The following SPON1 variants were observed in gnomAD, a reference collection of about 807,000 sequenced individuals.
SPON1 encodes the protein spondin 1.
SPON1 carries 52 observed loss-of-function variants against 111.7 expected under a neutral mutation model. That is an observed-to-expected ratio of 0.47 (90% CI 0.37 to 0.59). The LOEUF (loss-of-function observed/expected upper bound fraction) is 0.59, where lower values mean the gene tolerates loss of function less well. Ranked by LOEUF, SPON1 falls within the 20% of genes least tolerant of loss-of-function variation. The probability of loss-of-function intolerance (pLI) is 0.00; values close to 1 mark genes in which losing one functional copy is unlikely to be tolerated. For missense variants in SPON1, 957 were observed against 1,068.5 expected (o/e 0.90, Z 1.46); for synonymous variants, 410 against 395.8 (o/e 1.04, Z -0.43).
intron 14 of SPON1, chr11:14,262,359 T>C: frequency 3.7e-6 from 1 of 273,552 alleles, no homozygotes. Flanking sequence ...CACCAGTGAG[T>C]TTGGGACTGT....
At chr11:13,983,396 G>A (rs1411554859) in intron 2 of SPON1, among the ~76,000 whole-genome samples, 2 of 152,220 alleles carry the variant, frequency 1.3e-5, no homozygotes, top group East Asian at 1.9e-4. Context: ...ATTTATGAGG[G>A]AAGATTAAAA....
intron 5 of SPON1, among the ~76,000 whole-genome samples, chr11:14,086,270 T>C (rs944110025): frequency 6.6e-6 from 1 of 152,196 alleles, no homozygotes; most frequent in Non-Finnish European, 1.5e-5. Context: ...CAATATGATA[T>C]TGGTTATGGG....
At chr11:14,022,595 A>C (rs1848488925) in intron 2 of SPON1, among the ~76,000 whole-genome samples, 1 of 152,172 alleles carries the variant, frequency 6.6e-6, no homozygotes, top group South Asian at 2.1e-4. Context: ...CTCCTCTATA[A>C]AATGGGGATT....
At chr11:14,144,415 A>T (rs1469126405) in intron 6 of SPON1, among the ~76,000 whole-genome samples, 1 of 152,110 alleles carries the variant, frequency 6.6e-6, no homozygotes, top group South Asian at 2.1e-4. Context: ...AGATCACTTG[A>T]GTTCAGGAGT....
chr11:14,232,210 C>T (rs571108854), intron 6 of SPON1, among the ~76,000 whole-genome samples: 2 of 152,158 alleles, frequency 1.3e-5, no homozygotes, highest in Non-Finnish European at 2.9e-5. Context: ...CTGGCCCTCC[C>T]CCTCACCCTT....
At chr11:14,075,767 G>T (rs544470729) in intron 4 of SPON1, among the ~76,000 whole-genome samples, 243 of 152,212 alleles carry the variant, frequency 1.6e-3, no homozygotes, top group Non-Finnish European at 2.2e-3. Context: ...GTCTGTAATG[G>T]TTCTTTGGAA....
At chr11:13,963,671 T>C (rs1554907758) in intron 1 of SPON1, among the ~76,000 whole-genome samples, 1 of 151,974 alleles carries the variant, frequency 6.6e-6, no homozygotes, top group Non-Finnish European at 1.5e-5. Flanking sequence ...GAAGGGACTT[T>C]GGCTTCTCCC....
intron 5 of SPON1, among the ~76,000 whole-genome samples, chr11:14,108,243 A>G (rs1849200352): frequency 1.3e-5 from 2 of 152,234 alleles, no homozygotes; most frequent in Non-Finnish European, 2.9e-5. Flanking sequence ...GAGACGATGT[A>G]TAAATGGTTC....
intron 6 of SPON1, among the ~76,000 whole-genome samples, chr11:14,168,884 C>T (rs1229860779): frequency 3.9e-5 from 6 of 152,178 alleles, no homozygotes; most frequent in Admixed American, 1.3e-4. Flanking sequence ...GCCACATTTT[C>T]TTAATCCAGT....
Position 14,169,538 on chromosome 11 carries a change from AT to A in SPON1, c.825+33972del, listed in dbSNP as rs1165470661. On this transcript the variant is annotated intron_variant, in intron 6 of 15. Coordinates refer to ENST00000576479, the MANE Select transcript of SPON1 (RefSeq NM_006108.4). ...TTTGTCAATTTTGGCTTTTGTTGCCATTGCTTTTGGTGTTTTAGACATGAAG... is the reference window on the plus strand; with the variant it reads ...TTTGTCAATTTTGGCTTTTGTTGCCATGCTTTTGGTGTTTTAGACATGAAG... Among the ~76,000 whole-genome samples, 12 of 151,654 alleles carry A rather than the reference AT, an allele frequency of 7.9e-5. No homozygotes were observed. The East Asian group carries it at 2.3e-3, about 29-fold the overall frequency.
chr11:14,062,218 CCCTT>C (rs1337764823), intron 3 of SPON1, among the ~76,000 whole-genome samples: 1 of 152,186 alleles, frequency 6.6e-6, no homozygotes, highest in Non-Finnish European at 1.5e-5. Flanking sequence ...ATATTCAGAA[CCCTT>C]GCTGGGCAGG....
At chr11:14,146,996 T>TAGA (rs782560138) in intron 6 of SPON1, among the ~76,000 whole-genome samples, 31 of 147,496 alleles carry the variant, frequency 2.1e-4, no homozygotes, top group Non-Finnish European at 2.4e-4. Context: ...ATAAAAACGT[T>TAGA]AGAAGAAAAC....
chr11:14,010,131 G>T (rs1230999493), intron 2 of SPON1, among the ~76,000 whole-genome samples: 4 of 152,198 alleles, frequency 2.6e-5, no homozygotes, highest in African/African-American at 9.6e-5. Context: ...GTTGCAGGAG[G>T]AGAAGGTTTA....
At chr11:14,160,887 TTATATATATTTATATATTTATA>T (rs1847931754) in intron 6 of SPON1, among the ~76,000 whole-genome samples, 1 of 43,692 alleles carries the variant, frequency 2.3e-5, no homozygotes. Context: ...TTTTATATAT[TTATATATATTTATATATTTATA>T]TATATATTTA....
intron 6 of SPON1, among the ~76,000 whole-genome samples, chr11:14,221,461 C>T (rs1554937575): frequency 1.3e-5 from 2 of 152,170 alleles, no homozygotes; most frequent in Non-Finnish European, 1.5e-5. Flanking sequence ...GCTATTTCTA[C>T]TACACCTGGA....
rs113139447 is a variant in SPON1, at chr11:14,023,927, G to A, written c.346-17594G>A. 4.2e-3 allele frequency among the ~76,000 whole-genome samples: 642 copies of A among 152,192 alleles called. 4 individuals carry two copies. Among genetic ancestry groups the A allele is most frequent in the African/African-American group, 0.014 (586 of 41,512 alleles). ...TGAGGCAGGAGAATCACTTGAACCC[G>A]GGAGGCCGAGGTTGGAGTGAGCCAA... On this transcript the variant is annotated intron_variant, in intron 2 of 15. Coordinates refer to ENST00000576479, the MANE Select transcript of SPON1 (RefSeq NM_006108.4).
intron 6 of SPON1, among the ~76,000 whole-genome samples, chr11:14,202,413 C>T (rs1374844034): frequency 6.6e-6 from 1 of 152,210 alleles, no homozygotes; most frequent in Non-Finnish European, 1.5e-5. Flanking sequence ...GTCCATTGCA[C>T]TCCCTCCATA....
chr11:14,043,427 T>C (rs782115975), intron 3 of SPON1, among the ~76,000 whole-genome samples: 1 of 152,200 alleles, frequency 6.6e-6, no homozygotes, highest in Non-Finnish European at 1.5e-5. Flanking sequence ...TGACAGTTCC[T>C]TGGACAAATG....
chr11:14,137,053 A>G (rs1554928172), intron 6 of SPON1, among the ~76,000 whole-genome samples: 3 of 152,226 alleles, frequency 2.0e-5, no homozygotes, highest in African/African-American at 7.2e-5. Context: ...TAGTTGAAAT[A>G]CTAAAGTTTG....
Sources: gnomAD v4.1 joint callset for allele counts (sites outside exome capture counted in the v4.1 genomes callset) on GRCh38, gnomAD v4.1.1 for gene constraint, MANE v1.5 for transcripts, NCBI Gene and HGNC (gene_info 2026-07-23, HGNC 2026-07-21) for gene names.